TRAF3: variants seen among roughly 807,000 people sequenced by gnomAD.
TRAF3 encodes the protein TNF receptor associated factor 3.
Under a neutral mutation model 62.3 loss-of-function variants are expected in TRAF3, and 13 were observed. The observed-to-expected ratio is 0.21, with a 90% CI of 0.14 to 0.33. The LOEUF (loss-of-function observed/expected upper bound fraction) is 0.33, where lower values mean the gene tolerates loss of function less well. TRAF3 is among the 10% of genes least tolerant of loss of function. The pLI is 1.00. For missense variants in TRAF3, 440 were observed against 741.8 expected (o/e 0.59, Z 4.73); for synonymous variants, 269 against 283.4 (o/e 0.95, Z 0.51).
chr14:102,878,813 T>G (rs1595388555), intron 6 of TRAF3, among the ~76,000 whole-genome samples: 1 of 148,548 alleles, frequency 6.7e-6, no homozygotes, highest in African/African-American at 2.5e-5. Context: ...AGCCAGAGGG[T>G]GAGGGGAAAG....
In TRAF3 at chr14:102,907,656, TG is replaced by T. The variant is rs1476662773; in HGVS notation, c.*1873del. 6.6e-6 allele frequency: 1 copy of T among 152,282 alleles called. No individual in the cohort carries two copies. The highest frequency in any genetic ancestry group is 1.5e-5 in the Non-Finnish European group (1 of 68,110). The allele number at this position is 152,282 out of a possible 1,614,324, so 9.4% of individuals were successfully genotyped here. On this transcript the variant is annotated 3_prime_UTR_variant, in exon 12 of 12. Transcript: ENST00000392745. ...GGCCGCGCGGGGACAGCTTGGTGGG[TG>T]CCCGGTGGCCCACCTGTCTCTGGTG...
chr14:102,832,831 G>A (rs574387392), intron 2 of TRAF3, among the ~76,000 whole-genome samples: 54 of 151,348 alleles, frequency 3.6e-4, no homozygotes, highest in African/African-American at 1.2e-3. Flanking sequence ...TTTTTTTTTC[G>A]TATATAATCT....
intron 2 of TRAF3, chr14:102,865,780 G>T (rs551392399): frequency 2.0e-5 from 3 of 152,166 alleles, no homozygotes; most frequent in Non-Finnish European, 4.4e-5. Flanking sequence ...GATTACAGGC[G>T]TGAGCCACTG....
At chr14:102,785,033 GA>G (rs1323930464) in intron 1 of TRAF3, among the ~76,000 whole-genome samples, 1 of 152,204 alleles carries the variant, frequency 6.6e-6, no homozygotes, top group Non-Finnish European at 1.5e-5. Context: ...GGAAAAGGAA[GA>G]GCAACAGGCC....
chr14:102,900,038 G>A (rs1890198966), intron 10 of TRAF3, among the ~76,000 whole-genome samples: 1 of 150,846 alleles, frequency 6.6e-6, no homozygotes, highest in African/African-American at 2.4e-5. Context: ...AATTAGCCAG[G>A]TGCGGTGGTG....
intron 8 of TRAF3, among the ~76,000 whole-genome samples, chr14:102,890,660 T>C (rs1889658348): frequency 2.0e-5 from 3 of 152,244 alleles, no homozygotes; most frequent in African/African-American, 7.2e-5. Flanking sequence ...ACAAATTATA[T>C]TTCAGACAAA....
chr14:102,859,985 A>G (rs1887588286), intron 2 of TRAF3, among the ~76,000 whole-genome samples: 1 of 152,198 alleles, frequency 6.6e-6, no homozygotes, highest in South Asian at 2.1e-4. Flanking sequence ...ACGCTACAGA[A>G]CACAACAGTG....
intron 6 of TRAF3, among the ~76,000 whole-genome samples, chr14:102,881,001 G>A (rs1317662133): frequency 6.6e-6 from 1 of 152,160 alleles, no homozygotes; most frequent in East Asian, 1.9e-4. Flanking sequence ...GCTGAGGCAG[G>A]AGAATCGCTT....
intron 1 of TRAF3, among the ~76,000 whole-genome samples, chr14:102,793,029 C>G (rs776798655): frequency 6.6e-6 from 1 of 151,758 alleles, no homozygotes; most frequent in Non-Finnish European, 1.5e-5. Context: ...AGGCTGGTCT[C>G]GAACACGTGG....
chr14:102,805,628 C>T (rs933301039), intron 1 of TRAF3, among the ~76,000 whole-genome samples: 2 of 152,204 alleles, frequency 1.3e-5, no homozygotes, highest in African/African-American at 4.8e-5. Flanking sequence ...CTGCAGCCAG[C>T]TCGGTGATTC....
intron 1 of TRAF3, among the ~76,000 whole-genome samples, chr14:102,793,412 C>T (rs983647888): frequency 6.6e-6 from 1 of 152,200 alleles, no homozygotes; most frequent in African/African-American, 2.4e-5. Flanking sequence ...CCTCAGCCTC[C>T]CAAAGTGCTG....
chr14:102,895,971 G>T (rs1177758819), intron 9 of TRAF3, among the ~76,000 whole-genome samples: 1 of 152,080 alleles, frequency 6.6e-6, no homozygotes, highest in Non-Finnish European at 1.5e-5. Flanking sequence ...TTGTATTCTC[G>T]TCACGCTCTC....
intron 1 of TRAF3, among the ~76,000 whole-genome samples, chr14:102,822,290 C>T (rs1900034289): frequency 6.6e-6 from 1 of 152,146 alleles, no homozygotes. Context: ...AAAACCATTT[C>T]ACCATGCGAG....
intron 1 of TRAF3, among the ~76,000 whole-genome samples, chr14:102,804,217 G>A (rs1034963892): frequency 6.6e-6 from 1 of 151,960 alleles, no homozygotes; most frequent in African/African-American, 2.4e-5. Context: ...CTTCAGAGGA[G>A]TCATATGATT....
intron 10 of TRAF3, among the ~76,000 whole-genome samples, chr14:102,902,318 G>A (rs947317907): frequency 1.3e-5 from 2 of 152,248 alleles, no homozygotes; most frequent in Middle Eastern, 3.2e-3. Context: ...CCTAGGGCCT[G>A]AGGACATGCC....
intron 2 of TRAF3, among the ~76,000 whole-genome samples, chr14:102,839,886 A>G (rs915154304): frequency 5.3e-5 from 8 of 152,242 alleles, no homozygotes; most frequent in African/African-American, 9.7e-5. Context: ...TAGTTAGAGC[A>G]TAATGTTTCA....
intron 1 of TRAF3, among the ~76,000 whole-genome samples, chr14:102,819,093 A>T (rs966020763): frequency 9.9e-5 from 15 of 151,152 alleles, no homozygotes; most frequent in East Asian, 3.9e-4. Context: ...TAATTAATTT[A>T]AAAAAATCCC....
Position 102,905,791 on chromosome 14 carries a change from G to A in TRAF3, c.*7G>A. The stretch of plus-strand genomic sequence containing the variant: ...GGATCTGCCCGATCCCTGATAAGTA[G>A]CTGGGGAGGTGGATTTAGCAGAAGG... On this transcript the variant is annotated 3_prime_UTR_variant, in exon 12 of 12. Transcript: ENST00000392745. 7 of 1,612,264 alleles carry A rather than the reference G, an allele frequency of 4.3e-6. No individual in the cohort carries two copies. The highest frequency in any genetic ancestry group is 5.9e-6 in the Non-Finnish European group (7 of 1,178,774).
At position 102,837,135 on chromosome 14, in the gene TRAF3, TGTGTGTG is replaced by T. The variant is rs1470459080; in HGVS notation, c.-18+6664_-18+6670del. Among the ~76,000 whole-genome samples the T allele has an allele frequency of 1.2e-3, 167 of 137,148 alleles. 2 individuals carry two copies. Among genetic ancestry groups the T allele is most frequent in the African/African-American group, 4.0e-3 (153 of 38,692 alleles). 90.0% of individuals were successfully genotyped at this position (137,148 alleles called of 152,430 possible). A position where few individuals can be genotyped will look rare whatever the true frequency, so the allele number is the denominator to read the frequency against. On this transcript the variant is annotated intron_variant, in intron 2 of 11. Coordinates refer to ENST00000392745, the MANE Select transcript of TRAF3 (RefSeq NM_145725.3). ...CAAGTAATTTGTGTGTGTGTGTGTG[TGTGTGTG>T]TTTTTTTTGGGGGGGGGTGAAGGTC...
Sources: gnomAD v4.1 joint callset for allele counts (sites outside exome capture counted in the v4.1 genomes callset) on GRCh38, gnomAD v4.1.1 for gene constraint, MANE v1.5 for transcripts, NCBI Gene and HGNC (gene_info 2026-07-23, HGNC 2026-07-21) for gene names.